MYO1E: variants seen among roughly 807,000 people sequenced by gnomAD.
The protein encoded by MYO1E is myosin IE, also known as unconventional myosin-Ie.
Under a neutral mutation model 151.1 loss-of-function variants are expected in MYO1E, and 68 were observed. The observed-to-expected ratio is 0.45, with a 90% CI of 0.37 to 0.55. The LOEUF (loss-of-function observed/expected upper bound fraction) is 0.55, where lower values mean the gene tolerates loss of function less well. MYO1E is among the 20% of genes least tolerant of loss of function. MYO1E has a pLI of 0.00. For missense variants in MYO1E, 1,363 were observed against 1,389.3 expected (o/e 0.98, Z 0.30); for synonymous variants, 601 against 501.7 (o/e 1.20, Z -2.64).
chr15:59,141,349 G>C (rs888978426), intron 26 of MYO1E, among the ~76,000 whole-genome samples: 52 of 152,310 alleles, frequency 3.4e-4, no homozygotes, highest in African/African-American at 1.2e-3. Context: ...TCCCTCATAT[G>C]AAAGTGTAAC....
chr15:59,266,423 T>G (rs1268238332), intron 2 of MYO1E, among the ~76,000 whole-genome samples: 2 of 152,184 alleles, frequency 1.3e-5, no homozygotes, highest in East Asian at 3.8e-4. Context: ...CAAGATATCT[T>G]TAACTGATGG....
intron 1 of MYO1E, among the ~76,000 whole-genome samples, chr15:59,353,294 C>T (rs1206906180): frequency 7.4e-6 from 1 of 134,828 alleles, no homozygotes; most frequent in East Asian, 2.2e-4. Flanking sequence ...GAGTTTAAGG[C>T]TGCAGTGAGC....
At chr15:59,336,391 C>A (rs879372467) in intron 1 of MYO1E, among the ~76,000 whole-genome samples, 1 of 151,830 alleles carries the variant, frequency 6.6e-6, no homozygotes, top group Non-Finnish European at 1.5e-5. Context: ...AAAGAAAAAA[C>A]CCTAGATTCA....
chr15:59,372,405 C>G (rs1157250374), intron 1 of MYO1E, 93 bp downstream of exon 1: 2 of 1,474,584 alleles, frequency 1.4e-6, no homozygotes, highest in South Asian at 1.2e-5. Context: ...CCACCCCTGG[C>G]CCCGGCAGCG....
chr15:59,249,585 T>G (rs1356364767), intron 4 of MYO1E, among the ~76,000 whole-genome samples: 1 of 152,118 alleles, frequency 6.6e-6, no homozygotes, highest in African/African-American at 2.4e-5. Context: ...CCATCTAAAG[T>G]GTCATTTAGA....
At chr15:59,265,500 G>GA (rs5812968) in intron 2 of MYO1E, among the ~76,000 whole-genome samples, 23,317 of 151,190 alleles carry the variant, frequency 0.15, 2,749 homozygotes, top group East Asian at 0.53. Context: ...AGATATTCAG[G>GA]AAAAAAAACA....
In MYO1E at chr15:59,227,599, AAGT is replaced by A. The variant is rs775921322; in HGVS notation, c.511-12_511-10del. 15 of 1,613,956 alleles carry A rather than the reference AAGT, an allele frequency of 9.3e-6. 1 individual carries two copies. The African/African-American group carries it at 1.9e-4, about 20-fold the overall frequency. On this transcript the variant is annotated splice_polypyrimidine_tract_variant and intron_variant, in intron 6 of 27. Transcript: ENST00000288235. ...ATTTCAAAGTATTTTCCCTGCAAGA[AAGT>A]TAGGGATTTCCTTCAATGGTTGGTG...
chr15:59,252,583 C>T (rs1241682153), intron 4 of MYO1E, among the ~76,000 whole-genome samples: 3 of 152,100 alleles, frequency 2.0e-5, no homozygotes, highest in African/African-American at 7.2e-5. Context: ...GATGTGGTGG[C>T]GTGTGCCTGT....
At chr15:59,283,581 T>C (rs1220508961) in intron 1 of MYO1E, among the ~76,000 whole-genome samples, 1 of 152,242 alleles carries the variant, frequency 6.6e-6, no homozygotes, top group African/African-American at 2.4e-5. Flanking sequence ...CAAGTATTTG[T>C]TGAATGAATG....
chr15:59,362,168 C>T (rs1377672338), intron 1 of MYO1E, among the ~76,000 whole-genome samples: 1 of 152,174 alleles, frequency 6.6e-6, no homozygotes, highest in African/African-American at 2.4e-5. Context: ...CACACAAATA[C>T]ATATATGTAC....
intron 25 of MYO1E, among the ~76,000 whole-genome samples, chr15:59,155,524 T>C (rs56062704): frequency 9.9e-5 from 15 of 152,170 alleles, no homozygotes; most frequent in African/African-American, 2.9e-4. Context: ...ATTTAGAGAG[T>C]TGGGGAGCCC....
rs2140434229 is a variant in MYO1E at position 59,350,067 on chromosome 15, A to T, written c.3+22431T>A. Among the ~76,000 whole-genome samples the T allele has an allele frequency of 6.6e-6, 1 of 152,362 alleles. No homozygotes were observed. Among genetic ancestry groups the T allele is most frequent in the Non-Finnish European group, 1.5e-5 (1 of 68,032 alleles). On this transcript the variant is annotated intron_variant, in intron 1 of 27. Transcript: ENST00000288235. The surrounding 1 kb of genome is among the most constrained non-coding windows in gnomAD (Gnocchi z 5.0). The stretch of plus-strand genomic sequence containing the variant: ...TAGTCCCAATGGTGGTATCTAAGGC[A>T]TTTTATAATTTTCTTATTAATTGTC...
chr15:59,177,148 G>A (rs1257888776), intron 19 of MYO1E, among the ~76,000 whole-genome samples: 2 of 152,152 alleles, frequency 1.3e-5, no homozygotes, highest in Non-Finnish European at 2.9e-5. Flanking sequence ...TGTTCTGTGG[G>A]TTGCTTAATG....
At chr15:59,144,148 T>C (rs1281936178) in intron 26 of MYO1E, among the ~76,000 whole-genome samples, 1 of 151,976 alleles carries the variant, frequency 6.6e-6, no homozygotes, top group Non-Finnish European at 1.5e-5. Flanking sequence ...TTTTTCTTTT[T>C]CCTTTTATTT....
chr15:59,342,917 G>C lies in MYO1E; in HGVS notation c.3+29581C>G, dbSNP rs117067474. Reference sequence around the variant, plus strand: ...CAACCAATAAAAACTCTATAATTTTGTCTCCCCACTTTTTAACATTTTGTT... The same window carrying C: ...CAACCAATAAAAACTCTATAATTTTCTCTCCCCACTTTTTAACATTTTGTT... On this transcript the variant is annotated intron_variant, in intron 1 of 27. Transcript: ENST00000288235. Among the ~76,000 whole-genome samples the C allele has an allele frequency of 4.1e-3, 621 of 152,156 alleles. 19 individuals are homozygous for C. The highest frequency in any genetic ancestry group is 0.032 in the Admixed American group (495 of 15,276).
At chr15:59,327,135 C>T (rs1172637779) in intron 1 of MYO1E, among the ~76,000 whole-genome samples, 1 of 152,110 alleles carries the variant, frequency 6.6e-6, no homozygotes, top group Non-Finnish European at 1.5e-5. Context: ...TCACTTGACT[C>T]TTCCACAGAG....
rs779945382 is a variant in MYO1E at position 59,136,232 on chromosome 15, T to TTTTG, written c.*1144_*1147dup. On this transcript the variant is annotated 3_prime_UTR_variant, in exon 28 of 28. Transcript: ENST00000288235. ...ACTCTAATGACTTCATTTTAATTAG[T>TTTTG]TTTGTTTGTTTGCTCCATAAAGACT... 3 of 154,576 alleles carry TTTTG rather than the reference T, an allele frequency of 1.9e-5. No individual in the cohort carries two copies. Among genetic ancestry groups the TTTTG allele is most frequent in the Non-Finnish European group, 2.9e-5 (2 of 69,472 alleles). 9.6% of individuals were successfully genotyped at this position (154,576 alleles called of 1,614,324 possible).
intron 1 of MYO1E, among the ~76,000 whole-genome samples, chr15:59,366,922 A>T (rs559111632): frequency 2.9e-4 from 44 of 152,150 alleles, no homozygotes; most frequent in African/African-American, 1.0e-3. Flanking sequence ...AAAAGAAAAA[A>T]AAAGTTTTTA....
intron 1 of MYO1E, among the ~76,000 whole-genome samples, chr15:59,284,512 C>G (rs1348245231): frequency 6.6e-6 from 1 of 151,706 alleles, no homozygotes; most frequent in African/African-American, 2.4e-5. Flanking sequence ...TGCTGTGGCG[C>G]AAACATAGCT....
Sources: allele counts gnomAD v4.1 joint callset (sites outside exome capture counted in the v4.1 genomes callset), GRCh38; gene constraint gnomAD v4.1.1; non-coding constraint Gnocchi (gnomAD v3.1); transcripts MANE v1.5; gene names NCBI Gene and HGNC (gene_info 2026-07-23, HGNC 2026-07-21).